ATXN1: variants seen among roughly 807,000 people sequenced by gnomAD.
The protein encoded by ATXN1 is ataxin 1.
A neutral mutation model predicts 56.4 loss-of-function variants in ATXN1; 8 were observed. The observed-to-expected ratio is 0.14, with a 90% CI of 0.08 to 0.26. ATXN1 has a LOEUF of 0.26. Ranked by LOEUF, ATXN1 falls within the 10% of genes least tolerant of loss-of-function variation. The pLI is 1.00. For missense variants in ATXN1, 987 were observed against 1,106.5 expected, an observed-to-expected ratio of 0.89 and a Z score of 1.53; for synonymous variants, 514 against 494.6, an observed-to-expected ratio of 1.04 and a Z score of -0.52.
intron 4 of ATXN1, among the ~76,000 whole-genome samples, chr6:16,579,880 T>C (rs1457510171): frequency 6.6e-6 from 1 of 151,980 alleles, no homozygotes; most frequent in African/African-American, 2.4e-5. Flanking sequence ...ATGATTATTT[T>C]GGAAGAGAAA....
In ATXN1 at chr6:16,760,566, G is replaced by GC. The variant is rs1327280357; in HGVS notation, c.-730+731dup. Among the ~76,000 whole-genome samples the GC allele has an allele frequency of 2.0e-5, 3 of 151,070 alleles. No homozygotes were observed. Among genetic ancestry groups the GC allele is most frequent in the African/African-American group, 4.9e-5 (2 of 41,208 alleles). Reference sequence around the variant, plus strand: ...GCGGTCCCCGAGGCCACCCCTCTGCGCCCCCCGCCCGGCACCCGGCCGCGC... The same window carrying GC: ...GCGGTCCCCGAGGCCACCCCTCTGCGCCCCCCCGCCCGGCACCCGGCCGCGC... On this transcript the variant is annotated intron_variant, in intron 1 of 7. Transcript: ENST00000436367. The surrounding 1 kb of genome is among the most constrained non-coding windows in gnomAD (Gnocchi z 5.3).
intron 3 of ATXN1, among the ~76,000 whole-genome samples, chr6:16,646,803 G>A (rs1763804857): frequency 6.6e-6 from 1 of 152,182 alleles, no homozygotes; most frequent in South Asian, 2.1e-4. Context: ...TCCCTAGCTG[G>A]GTTCACCTAC....
In ATXN1 at chr6:16,303,548, A is replaced by C. The variant is rs1760166467; in HGVS notation, c.*2781T>G. On this transcript the variant is annotated 3_prime_UTR_variant, in exon 8 of 8. Transcript: ENST00000436367. The surrounding 1 kb of genome is among the most constrained non-coding windows in gnomAD (Gnocchi z 4.3). ...GTCAGACTCTATTGGCACAGAAAGT[A>C]TTGCACATGCTAAAAAAGCAAGAGA... The C allele has an allele frequency of 6.5e-6, 1 of 152,698 alleles. No individual in the cohort carries two copies. Among genetic ancestry groups the C allele is most frequent in the Non-Finnish European group, 1.5e-5 (1 of 68,052 alleles). The allele number at this position is 152,698 out of a possible 1,614,324, so 9.5% of individuals were successfully genotyped here. A position where few individuals can be genotyped will look rare whatever the true frequency, so the allele number is the denominator to read the frequency against.
chr6:16,716,843 G>A (rs1466842554), intron 2 of ATXN1, among the ~76,000 whole-genome samples: 1 of 152,166 alleles, frequency 6.6e-6, no homozygotes, highest in Non-Finnish European at 1.5e-5. Context: ...CCTACTCCTG[G>A]TCTGGATGAA....
chr6:16,425,077 C>CT (rs1466376895), intron 6 of ATXN1, among the ~76,000 whole-genome samples: 5 of 152,196 alleles, frequency 3.3e-5, no homozygotes, highest in Non-Finnish European at 7.3e-5. Context: ...GAGCTATGGC[C>CT]TTTTTTCCCT....
In ATXN1 at chr6:16,716,261, T is replaced by C. The variant is rs1461097316; in HGVS notation, c.-615+36972A>G. 3.3e-5 allele frequency among the ~76,000 whole-genome samples: 5 copies of C among 152,174 alleles called. No individual in the cohort carries two copies. The South Asian group carries it at 6.2e-4, about 19-fold the overall frequency. On this transcript the variant is annotated intron_variant, in intron 2 of 7. Coordinates refer to ENST00000436367, the MANE Select transcript of ATXN1 (RefSeq NM_001128164.2). ...ATCCCTGAAATATGGTAGGTACTGT[T>C]TGTAAGATTAATAAATGAGTATCAA... is the stretch of plus-strand genomic sequence containing the variant.
At chr6:16,717,192 G>C (rs1759657712) in intron 2 of ATXN1, among the ~76,000 whole-genome samples, 1 of 152,262 alleles carries the variant, frequency 6.6e-6, no homozygotes, top group South Asian at 2.1e-4. Flanking sequence ...GGCTGGCTTA[G>C]CCAGGAAAGT....
At chr6:16,349,135 T>C (rs768341877) in intron 6 of ATXN1, among the ~76,000 whole-genome samples, 67 of 152,204 alleles carry the variant, frequency 4.4e-4, no homozygotes, top group Non-Finnish European at 8.4e-4. Flanking sequence ...TGGCTGTGGT[T>C]GTTCCGATTA....
intron 6 of ATXN1, among the ~76,000 whole-genome samples, chr6:16,415,724 C>T (rs557918369): frequency 3.2e-4 from 49 of 152,340 alleles, no homozygotes; most frequent in African/African-American, 1.1e-3. Flanking sequence ...TTACCCTTTG[C>T]CTGTCTGGCG....
chr6:16,527,020 TAA>T (rs76670120), intron 4 of ATXN1, among the ~76,000 whole-genome samples: 15 of 103,390 alleles, frequency 1.5e-4, no homozygotes, highest in African/African-American at 1.5e-4. Flanking sequence ...GGTGAAAACC[TAA>T]AAAAAAAAAA....
At chr6:16,439,797 G>A (rs1362561296) in intron 6 of ATXN1, among the ~76,000 whole-genome samples, 2 of 152,230 alleles carry the variant, frequency 1.3e-5, no homozygotes, top group Non-Finnish European at 2.9e-5. Context: ...AGTGGGGCCA[G>A]GCACAGTGGC....
Position 16,746,416 on chromosome 6 carries a change from A to G in ATXN1, c.-615+6817T>C, listed in dbSNP as rs994857731. On this transcript the variant is annotated intron_variant, in intron 2 of 7. Transcript: ENST00000436367. ...ACGCAGAAGAGAAAAGGAATTACCT[A>G]GAGACTAAAACCTGCACCTGCAGGT... 5.9e-5 allele frequency among the ~76,000 whole-genome samples: 9 copies of G among 152,370 alleles called. 1 individual carries two copies. The East Asian group carries it at 1.7e-3, about 29-fold the overall frequency.
intron 6 of ATXN1, among the ~76,000 whole-genome samples, chr6:16,450,830 G>A (rs142876660): frequency 5.9e-5 from 9 of 152,280 alleles, no homozygotes; most frequent in Admixed American, 3.3e-4. Flanking sequence ...AAACATCATG[G>A]AGAGGTCCTC....
chr6:16,404,651 C>G (rs1758646451), intron 6 of ATXN1, among the ~76,000 whole-genome samples: 1 of 151,862 alleles, frequency 6.6e-6, no homozygotes, highest in African/African-American at 2.4e-5. Flanking sequence ...CAAGCTGTCC[C>G]CAGCCCCCAC....
intron 2 of ATXN1, among the ~76,000 whole-genome samples, chr6:16,718,741 G>C (rs933694248): frequency 2.6e-5 from 4 of 152,192 alleles, no homozygotes; most frequent in African/African-American, 7.2e-5. Context: ...CTGCTGTTTA[G>C]TTTTCAGCTA....
rs56180657 is a variant in ATXN1 at position 16,391,444 on chromosome 6, C to A, written c.-160-62974G>T. Reference sequence around the variant, plus strand: ...TGGCCCTGGATTTTCTGGGCCAGTGCACAGGTAATGGTATTTTTTAAAAAC... The same window carrying A: ...TGGCCCTGGATTTTCTGGGCCAGTGAACAGGTAATGGTATTTTTTAAAAAC... On this transcript the variant is annotated intron_variant, in intron 6 of 7. Coordinates refer to ENST00000436367, the MANE Select transcript of ATXN1 (RefSeq NM_001128164.2). Among the ~76,000 whole-genome samples the A allele has an allele frequency of 5.8e-3, 887 of 152,232 alleles. 9 individuals carry two copies. The highest frequency in any genetic ancestry group is 0.02 in the African/African-American group (844 of 41,542).
At chr6:16,476,793 T>C (rs1333869810) in intron 6 of ATXN1, among the ~76,000 whole-genome samples, 1 of 152,206 alleles carries the variant, frequency 6.6e-6, no homozygotes, top group Non-Finnish European at 1.5e-5. Context: ...TTTCTTTCAA[T>C]TCCAGTCCCA....
At chr6:16,343,083 G>A (rs1416524717) in intron 6 of ATXN1, among the ~76,000 whole-genome samples, 4 of 152,292 alleles carry the variant, frequency 2.6e-5, no homozygotes, top group South Asian at 2.1e-4. Flanking sequence ...GTTGGCTCAC[G>A]CCTGTAATCC....
At chr6:16,333,141 C>T (rs1201288642) in intron 6 of ATXN1, among the ~76,000 whole-genome samples, 1 of 152,236 alleles carries the variant, frequency 6.6e-6, no homozygotes, top group Non-Finnish European at 1.5e-5. Context: ...TGATGCTCCA[C>T]TGCTTCCTCT....
Sources: gnomAD v4.1 joint callset for allele counts (sites outside exome capture counted in the v4.1 genomes callset) on GRCh38, gnomAD v4.1.1 for gene constraint, Gnocchi (gnomAD v3.1) non-coding constraint, MANE v1.5 for transcripts, NCBI Gene and HGNC (gene_info 2026-07-23, HGNC 2026-07-21) for gene names.